Variants in RAP1GAP2 observed in about 807,000 individuals in gnomAD.
RAP1GAP2 encodes the protein RAP1 GTPase activating protein 2.
In RAP1GAP2, 27 loss-of-function variants were observed where a neutral mutation model predicts 95.0. That is an observed-to-expected ratio of 0.28 (90% confidence interval 0.21 to 0.39). RAP1GAP2 has a LOEUF of 0.39. Among genes scored for constraint, RAP1GAP2 ranks in the 10% least tolerant of loss-of-function variants. The pLI, the probability that RAP1GAP2 is intolerant of heterozygous loss-of-function variation, is 1.00. For synonymous variants in RAP1GAP2, 373 were observed against 380.9 expected, an observed-to-expected ratio of 0.98 and a Z score of 0.24; for missense variants, 771 against 970.0, an observed-to-expected ratio of 0.79 and a Z score of 2.72.
At chr17:2,767,282 A>C (rs1597270808) in intron 1 of RAP1GAP2, among the ~76,000 whole-genome samples, 2 of 142,446 alleles carry the variant, frequency 1.4e-5, no homozygotes, top group Middle Eastern at 3.8e-3. Context: ...GAATCACTTG[A>C]ACCCGGGCGG....
At chr17:3,028,108 G>A (rs2047183815) in intron 22 of RAP1GAP2, among the ~76,000 whole-genome samples, 1 of 151,880 alleles carries the variant, frequency 6.6e-6, no homozygotes, top group African/African-American at 2.4e-5. Context: ...CACCAAGCCT[G>A]TCTGTGCCTC....
chr17:2,838,157 T>G (rs969701547), intron 2 of RAP1GAP2, among the ~76,000 whole-genome samples: 21 of 151,748 alleles, frequency 1.4e-4, no homozygotes, highest in African/African-American at 4.8e-4. Flanking sequence ...TAACTGCGAT[T>G]ACAGGCGCCC....
chr17:3,024,857 C>T (rs2047056952), intron 19 of RAP1GAP2, among the ~76,000 whole-genome samples: 2 of 152,178 alleles, frequency 1.3e-5, no homozygotes, highest in African/African-American at 4.8e-5. Context: ...CAGAAGAGTA[C>T]AATCTACAGT....
rs561222500 is a variant in RAP1GAP2 at position 2,869,919 on chromosome 17, G to GT, written c.81-35364dup. On this transcript the variant is annotated intron_variant, in intron 2 of 24. Coordinates refer to ENST00000254695, the MANE Select transcript of RAP1GAP2 (RefSeq NM_015085.5). The stretch of plus-strand genomic sequence containing the variant: ...CAGGTGGAACGTGGCTCCGGGCCAC[G>GT]TGAGTGGAGGGCTTGAGTTTTGTGA... Among the ~76,000 whole-genome samples, 384 of 152,320 alleles carry GT rather than the reference G, an allele frequency of 2.5e-3. 1 individual carries two copies. Among genetic ancestry groups the GT allele is most frequent in the Non-Finnish European group, 4.2e-3 (285 of 68,034 alleles).
At chr17:2,920,356 G>A (rs1371043749) in intron 3 of RAP1GAP2, among the ~76,000 whole-genome samples, 3 of 152,114 alleles carry the variant, frequency 2.0e-5, no homozygotes, top group Admixed American at 1.3e-4. Context: ...TCACCCAGGG[G>A]ATGCCCCCAG....
intron 2 of RAP1GAP2, among the ~76,000 whole-genome samples, chr17:2,851,924 G>T (rs1310634020): frequency 1.3e-5 from 2 of 152,142 alleles, no homozygotes; most frequent in Non-Finnish European, 2.9e-5. Flanking sequence ...TCACCTGCTG[G>T]GAAGGAGGAT....
chr17:2,949,968 G>A (rs2043853371), intron 3 of RAP1GAP2, among the ~76,000 whole-genome samples: 1 of 152,200 alleles, frequency 6.6e-6, no homozygotes, highest in Non-Finnish European at 1.5e-5. Context: ...CATGGCTGAG[G>A]CTGAATCATA....
At chr17:2,943,185 AC>A (rs560399669) in intron 3 of RAP1GAP2, among the ~76,000 whole-genome samples, 1,682 of 151,794 alleles carry the variant, frequency 0.011, 19 homozygotes, top group Non-Finnish European at 0.015. Context: ...TTATAGATTT[AC>A]CCATCCTAGA....
intron 17 of RAP1GAP2, among the ~76,000 whole-genome samples, chr17:3,009,174 G>C (rs1404185397): frequency 6.6e-6 from 1 of 152,146 alleles, no homozygotes; most frequent in East Asian, 1.9e-4. Flanking sequence ...ACAACATAAG[G>C]ATAGGAAGCA....
intron 2 of RAP1GAP2, among the ~76,000 whole-genome samples, chr17:2,815,494 A>ATTATTG (rs1185602212): frequency 1.4e-5 from 2 of 140,020 alleles, no homozygotes; most frequent in African/African-American, 5.1e-5. Context: ...TATTATTATT[A>ATTATTG]TTATTGAGAC....
At chr17:2,774,049 T>C (rs886213497), upstream of RAP1GAP2, among the ~76,000 whole-genome samples, 51 of 152,266 alleles carry the variant, frequency 3.3e-4, no homozygotes, top group African/African-American at 1.2e-3. Flanking sequence ...TGAGCCATCG[T>C]GCCTGGCCAG....
intron 2 of RAP1GAP2, among the ~76,000 whole-genome samples, chr17:2,876,138 C>T (rs2073089680): frequency 2.6e-5 from 4 of 151,868 alleles, no homozygotes; most frequent in Admixed American, 6.6e-5. Flanking sequence ...GGGGTTTCAC[C>T]GTGTTAGCCA....
At chr17:2,781,906 A>AC (rs2068669362) in intron 1 of RAP1GAP2, among the ~76,000 whole-genome samples, 1 of 148,920 alleles carries the variant, frequency 6.7e-6, no homozygotes. Context: ...CTGTGTGTGC[A>AC]GGTCTCTGTG....
At chr17:2,769,106 C>A (rs1441439976) in intron 1 of RAP1GAP2, among the ~76,000 whole-genome samples, 1 of 151,666 alleles carries the variant, frequency 6.6e-6, no homozygotes, top group Non-Finnish European at 1.5e-5. Flanking sequence ...GTGGCTTGTG[C>A]CTGCAGTCCT....
chr17:2,833,763 G>A (rs75433760), intron 2 of RAP1GAP2, among the ~76,000 whole-genome samples: 22,369 of 151,326 alleles, frequency 0.15, 1,830 homozygotes, highest in East Asian at 0.18. Context: ...ACATGAAAGT[G>A]TTTCTCTAGA....
intron 2 of RAP1GAP2, among the ~76,000 whole-genome samples, chr17:2,875,654 T>C (rs1271307801): frequency 1.3e-5 from 2 of 152,144 alleles, no homozygotes; most frequent in African/African-American, 4.8e-5. Context: ...ATTTCTCAGA[T>C]TCAACATTGC....
chr17:2,921,675 AGCAGGGCCGTTAAGGTGTCC>A (rs1029702501), intron 3 of RAP1GAP2, among the ~76,000 whole-genome samples: 29 of 99,718 alleles, frequency 2.9e-4, no homozygotes, highest in Admixed American at 6.1e-4. Flanking sequence ...TTAAGGTGTC[AGCAGGGCCGTTAAGGTGTCC>A]GCAGGGCCGT....
chr17:2,875,362 C>T (rs747213765), intron 2 of RAP1GAP2, among the ~76,000 whole-genome samples: 19 of 152,186 alleles, frequency 1.2e-4, no homozygotes, highest in Non-Finnish European at 1.6e-4. Flanking sequence ...CCACTGCACC[C>T]GGCCACAAGC....
chr17:2,890,026 G>A (rs1246371277), intron 2 of RAP1GAP2, among the ~76,000 whole-genome samples: 2 of 151,000 alleles, frequency 1.3e-5, no homozygotes, highest in East Asian at 3.9e-4. Flanking sequence ...ACTGGCCTGC[G>A]CTGTGTTCTG....
Sources: allele counts gnomAD v4.1 joint callset (sites outside exome capture counted in the v4.1 genomes callset), GRCh38; gene constraint gnomAD v4.1.1; transcripts MANE v1.5; gene names NCBI Gene and HGNC (gene_info 2026-07-23, HGNC 2026-07-21).